The following CNTN1 variants were observed in gnomAD, a reference collection of about 807,000 sequenced individuals.
CNTN1 encodes the protein contactin 1, also known as contactin-1.
A neutral mutation model predicts 126.4 loss-of-function variants in CNTN1; 38 were observed. The observed-to-expected ratio is 0.30, with a 90% confidence interval of 0.23 to 0.39. The LOEUF is 0.39. CNTN1 is among the 10% of genes least tolerant of loss of function. The pLI, the probability that CNTN1 is intolerant of heterozygous loss-of-function variation, is 1.00. For synonymous variants in CNTN1, 413 were observed against 422.6 expected (o/e 0.98, Z 0.28); for missense variants, 1,009 against 1,248.4 (o/e 0.81, Z 2.89).
rs1179333934 is a variant in CNTN1, at chr12:41,071,292, A to T, written c.*1257A>T. On this transcript the variant is annotated 3_prime_UTR_variant, in exon 24 of 24. Transcript: ENST00000551295. ...TGGGTTTTTATAAGTTGTGAAAAGG[A>T]AGATGCACATTTCTTCATTCTCCAT... 1 of 152,090 alleles carries T rather than the reference A, an allele frequency of 6.6e-6. No homozygotes were observed. Among genetic ancestry groups the T allele is most frequent in the African/African-American group, 2.4e-5 (1 of 41,424 alleles). The allele number at this position is 152,090 out of a possible 1,614,324, so 9.4% of individuals were successfully genotyped here. A position where few individuals can be genotyped will look rare whatever the true frequency, so the allele number is the denominator to read the frequency against.
At chr12:40,840,324 C>T (rs1942226286) in intron 1 of CNTN1, among the ~76,000 whole-genome samples, 1 of 151,914 alleles carries the variant, frequency 6.6e-6, no homozygotes, top group African/African-American at 2.4e-5. Flanking sequence ...GTACTCAACA[C>T]TGGAGTACCC....
intron 20 of CNTN1, among the ~76,000 whole-genome samples, chr12:41,024,461 TAAGAG>T (rs1566166425): frequency 2.0e-5 from 3 of 152,232 alleles, no homozygotes; most frequent in South Asian, 4.1e-4. Flanking sequence ...TCTTAAACTT[TAAGAG>T]AAAAGTAATC....
At chr12:40,994,344 A>G (rs752675657) in intron 17 of CNTN1, among the ~76,000 whole-genome samples, 1 of 152,116 alleles carries the variant, frequency 6.6e-6, no homozygotes, top group Non-Finnish European at 1.5e-5. Flanking sequence ...AAACTCCATG[A>G]TTAAAGGTCT....
chr12:40,962,480 G>A (rs1947138358), intron 15 of CNTN1, among the ~76,000 whole-genome samples: 1 of 152,046 alleles, frequency 6.6e-6, no homozygotes, highest in South Asian at 2.1e-4. Context: ...TATAGTCAAT[G>A]GAAAATGTAG....
At chr12:40,838,273 T>G (rs573281809) in intron 1 of CNTN1, among the ~76,000 whole-genome samples, 1 of 152,116 alleles carries the variant, frequency 6.6e-6, no homozygotes, top group Admixed American at 6.5e-5. Context: ...GTGCCATCTG[T>G]GAGCCTGGAA....
rs767934657 is a variant in CNTN1 at position 40,943,710 on chromosome 12, C to A, written c.1493C>A (p.Thr498Asn). ...NNRGKANSTGTLVITDPTRII... is the reference protein window; with the variant it reads ...NNRGKANSTGNLVITDPTRII... ...AGAGGGAAAGCTAATAGCACTGGAA[C>A]CCTTGTTATCACAGGTAAGTTAATG... is the stretch of plus-strand genomic sequence containing the variant. The change falls in exon 13 of 24, where the codon ACC (threonine) becomes AAC (asparagine). Residue 498 changes from threonine to asparagine, a missense_variant. Physicochemically the swap from Thr to Asn is moderately conservative, Grantham distance 65 (BLOSUM62 0). Transcript: ENST00000551295. The A allele has an allele frequency of 1.9e-6, 3 of 1,612,670 alleles. No individual in the cohort carries two copies. Among genetic ancestry groups the A allele is most frequent in the Non-Finnish European group, 2.5e-6 (3 of 1,179,150 alleles).
At chr12:40,708,555 A>G (rs1255008162) in intron 1 of CNTN1, among the ~76,000 whole-genome samples, 1 of 152,196 alleles carries the variant, frequency 6.6e-6, no homozygotes, top group East Asian at 1.9e-4. Flanking sequence ...GGCAATTTCT[A>G]AAAAGATGAC....
intron 1 of CNTN1, among the ~76,000 whole-genome samples, chr12:40,874,138 C>T (rs1395779275): frequency 6.6e-6 from 1 of 152,048 alleles, no homozygotes; most frequent in East Asian, 1.9e-4. Context: ...TTCTTGGGAT[C>T]ATTACTTAAA....
intron 11 of CNTN1, among the ~76,000 whole-genome samples, chr12:40,937,903 G>A (rs1026751977): frequency 4.6e-5 from 7 of 152,138 alleles, no homozygotes; most frequent in African/African-American, 1.4e-4. Flanking sequence ...CTTCTTCAGA[G>A]CATCAGCAGC....
At chr12:40,781,224 C>T (rs368645739) in intron 1 of CNTN1, among the ~76,000 whole-genome samples, 2 of 152,046 alleles carry the variant, frequency 1.3e-5, no homozygotes, top group South Asian at 4.1e-4. Flanking sequence ...CAGGTGAATG[C>T]ACAACCGTAC....
chr12:40,871,759 T>TAATTGCAAGTCAGACCAAATTGCA (rs1256996660), intron 1 of CNTN1, among the ~76,000 whole-genome samples: 1 of 152,188 alleles, frequency 6.6e-6, no homozygotes, highest in Non-Finnish European at 1.5e-5. Context: ...CCAACTTGCA[T>TAATTGCAAGTCAGACCAAATTGCA]AATTCTAAGA....
intron 15 of CNTN1, among the ~76,000 whole-genome samples, chr12:40,965,020 T>G (rs1947255492): frequency 1.3e-5 from 2 of 152,130 alleles, no homozygotes; most frequent in Non-Finnish European, 2.9e-5. Flanking sequence ...AAATTAGTAT[T>G]CTTTTTTTGT....
intron 1 of CNTN1, among the ~76,000 whole-genome samples, chr12:40,725,411 A>G (rs1022058011): frequency 2.1e-5 from 2 of 97,230 alleles, no homozygotes; most frequent in Non-Finnish European, 4.0e-5. Flanking sequence ...CAAAAAAAAA[A>G]AAAAAAAAAA....
chr12:40,786,146 A>G (rs1940009811), intron 1 of CNTN1, among the ~76,000 whole-genome samples: 1 of 152,186 alleles, frequency 6.6e-6, no homozygotes, highest in African/African-American at 2.4e-5. Flanking sequence ...TTGAGACTCT[A>G]TGGGAAAATC....
intron 23 of CNTN1, among the ~76,000 whole-genome samples, chr12:41,062,395 T>C (rs1433235555): frequency 1.3e-5 from 2 of 152,182 alleles, no homozygotes; most frequent in African/African-American, 4.8e-5. Flanking sequence ...TGTATGCTAG[T>C]TTCCAGGCAA....
intron 1 of CNTN1, among the ~76,000 whole-genome samples, chr12:40,793,984 TA>T (rs1406883702): frequency 6.6e-6 from 1 of 151,960 alleles, no homozygotes; most frequent in Non-Finnish European, 1.5e-5. Context: ...CTCATTTGCA[TA>T]AATTTAGGTC....
At chr12:40,792,877 C>A (rs147487413) in intron 1 of CNTN1, among the ~76,000 whole-genome samples, 156 of 152,170 alleles carry the variant, frequency 1.0e-3, no homozygotes, top group Non-Finnish European at 1.8e-3. Flanking sequence ...AAATATATTT[C>A]TTTGGCCTAT....
intron 1 of CNTN1, among the ~76,000 whole-genome samples, chr12:40,888,911 T>C (rs537909309): frequency 1.3e-5 from 2 of 152,344 alleles, no homozygotes; most frequent in African/African-American, 2.4e-5. Flanking sequence ...GGGATACTCA[T>C]GTAAAGAACA....
At chr12:40,909,930 A>G (rs749552896) in intron 2 of CNTN1, 143 bp from the exon 3 acceptor site, 71 of 595,910 alleles carry the variant, frequency 1.2e-4, no homozygotes, top group Non-Finnish European at 1.8e-4. Flanking sequence ...GTATCTGCAC[A>G]GATGTGAAGA....
Sources: allele counts gnomAD v4.1 joint callset (sites outside exome capture counted in the v4.1 genomes callset), GRCh38; gene constraint gnomAD v4.1.1; transcripts MANE v1.5; gene names NCBI Gene and HGNC (gene_info 2026-07-23, HGNC 2026-07-21).